The following CUL7 variants were observed in gnomAD, a reference collection of about 807,000 sequenced individuals.
The protein encoded by CUL7 is cullin-7.
CUL7 carries 96 observed loss-of-function variants against 177.7 expected under a neutral mutation model. The ratio of observed to expected loss-of-function variants is 0.54; its 90% CI spans 0.46 to 0.64. CUL7 has a LOEUF of 0.64. Among genes scored for constraint, CUL7 ranks in the 30% least tolerant of loss-of-function variants. CUL7 has a pLI of 0.00. For synonymous variants in CUL7, 824 were observed against 890.2 expected (o/e 0.93, Z 1.32); for missense variants, 1,893 against 2,187.9 (o/e 0.87, Z 2.69).
chr6:43,043,417 A>G lies in CUL7; in HGVS notation c.3355+31T>C. 6.2e-7 allele frequency: 1 copy of G among 1,609,940 alleles called. No homozygotes were observed. Among genetic ancestry groups the G allele is most frequent in the Non-Finnish European group, 8.5e-7 (1 of 1,177,118 alleles). On this transcript the variant is annotated intron_variant, in intron 17 of 25. Coordinates refer to ENST00000265348, the MANE Select transcript of CUL7 (RefSeq NM_014780.5). This position sits in a 1 kb window ranked among gnomAD's most constrained non-coding sequence, Gnocchi z 4.2. ...GGGGCCCAGGAAAACGCTCCTGACT[A>G]GAGCTCCCCACCTGAATCTCCACTA... is the stretch of plus-strand genomic sequence containing the variant.
chr6:43,049,627 C>T lies in CUL7; in HGVS notation c.1605G>A (p.Val535=), dbSNP rs748398286. Residue 535 remains valine, a synonymous_variant, in exon 7 of 26, where the codon GTG becomes GTA. Coordinates refer to ENST00000265348, the MANE Select transcript of CUL7 (RefSeq NM_014780.5). ...LDDEILAELA[V]PIELAQDLLL... is the part of the protein sequence containing the mutation. ...GCAAGTCCTGGGCCAATTCTATGGG[C>T]ACGGCCAGTTCAGCTAGGATCTCAT... The T allele has an allele frequency of 2.5e-6, 4 of 1,614,194 alleles. No homozygotes were observed. The South Asian group carries it at 4.4e-5, about 18-fold the overall frequency.
rs970943435 is a variant in CUL7 at position 43,050,679 on chromosome 6, T to C, written c.1234-281A>G. Reference sequence around the variant, plus strand: ...TCTTTCATGGCTTATGCCCCCACACTTCCTTCTGGCCTCCACCACTCCATC... The same window carrying C: ...TCTTTCATGGCTTATGCCCCCACACCTCCTTCTGGCCTCCACCACTCCATC... On this transcript the variant is annotated intron_variant, in intron 4 of 25. Transcript: ENST00000265348. This position sits in a 1 kb window ranked among gnomAD's most constrained non-coding sequence, Gnocchi z 4.1. Among the ~76,000 whole-genome samples, 2 of 151,072 alleles carry C rather than the reference T, an allele frequency of 1.3e-5. No homozygotes were observed. Among genetic ancestry groups the C allele is most frequent in the Non-Finnish European group, 1.5e-5 (1 of 67,802 alleles).
rs750841082 is a variant in CUL7, at chr6:43,046,294, T to C, written c.2602A>G (p.Asn868Asp). 1 of 1,614,230 alleles carries C rather than the reference T, an allele frequency of 6.2e-7. No homozygotes were observed. Among genetic ancestry groups the C allele is most frequent in the Non-Finnish European group, 8.5e-7 (1 of 1,180,036 alleles). The change falls in exon 12 of 26, where the codon AAC (asparagine) becomes GAC (aspartate). Residue 868 changes from asparagine (N) to aspartate (D), a missense_variant. Asn to Asp is a conservative substitution (Grantham distance 23, BLOSUM62 1). Coordinates refer to ENST00000265348, the MANE Select transcript of CUL7 (RefSeq NM_014780.5). Reference sequence around the variant, plus strand: ...ATGTAGTGGGAGCCGGCGCTGCCGTTGGACTCCCAATAGGTCTTGGGGTTG... The same window carrying C: ...ATGTAGTGGGAGCCGGCGCTGCCGTCGGACTCCCAATAGGTCTTGGGGTTG... Reference protein sequence around the residue: ...DHNPKTYWESNGSAGSHYITL... With the variant: ...DHNPKTYWESDGSAGSHYITL...
At position 43,043,244 on chromosome 6, in the gene CUL7, T is replaced by G. The variant is rs1763605420; in HGVS notation, c.3356-64A>C. 7.1e-7 allele frequency: 1 copy of G among 1,403,158 alleles called. No individual in the cohort carries two copies. The highest frequency in any genetic ancestry group is 1.8e-5 in the Admixed American group (1 of 56,432). The allele number at this position is 1,403,158 out of a possible 1,614,324, so 86.9% of individuals were successfully genotyped here. ...CAGCCCCTCCACTCCCAAGTCCCCA[T>G]CCAAGGGGGTTCCCTGAGGCCTTTC... On this transcript the variant is annotated intron_variant, in intron 17 of 25. Coordinates refer to ENST00000265348, the MANE Select transcript of CUL7 (RefSeq NM_014780.5). The surrounding 1 kb of genome is among the most constrained non-coding windows in gnomAD (Gnocchi z 4.2).
At chr6:43,039,748 T>C (rs1466188758) in intron 22 of CUL7, among the ~76,000 whole-genome samples, 2 of 145,144 alleles carry the variant, frequency 1.4e-5, no homozygotes, top group African/African-American at 5.1e-5. Flanking sequence ...TTTTTTTTTT[T>C]TTTTTTTTTT....
In CUL7 at chr6:43,045,435, C is replaced by G. The variant is rs774141323; in HGVS notation, c.2863-33G>C. The G allele has an allele frequency of 9.3e-6, 15 of 1,614,074 alleles. No homozygotes were observed. In the South Asian group the frequency reaches 1.1e-4, roughly 12 times the overall value. On this transcript the variant is annotated intron_variant, in intron 14 of 25. Transcript: ENST00000265348. This position sits in a 1 kb window ranked among gnomAD's most constrained non-coding sequence, Gnocchi z 4.8. ...ACACACAGGACTATCTTCACTCGCT[C>G]CACACCTTGGGATGGGCTGGGGTCA...
chr6:43,048,758 T>C (rs1275484082), intron 7 of CUL7, among the ~76,000 whole-genome samples, 189 bp from the exon 8 acceptor site: 1 of 152,068 alleles, frequency 6.6e-6, no homozygotes, highest in Non-Finnish European at 1.5e-5. Context: ...CATGACAAAT[T>C]TTATATTCTT....
At position 43,050,304 on chromosome 6, in the gene CUL7, G is replaced by A. The variant is rs772801843; in HGVS notation, c.1328C>T (p.Ala443Val). Residue 443 changes from alanine to valine, a missense_variant, in exon 5 of 26, where the codon GCT (alanine) becomes GTT (valine). By Grantham distance (64) the Ala-to-Val change is moderately conservative. This residue lies in a region of CUL7 where 653 missense variants were observed against 725.2 expected (regional missense o/e 0.90). Coordinates refer to ENST00000265348, the MANE Select transcript of CUL7 (RefSeq NM_014780.5). The surrounding 1 kb of genome is among the most constrained non-coding windows in gnomAD (Gnocchi z 4.1). ...GGCCACTGCCCCTTGGTACTCATCA[G>A]CCTCAACCATGTCCTCAATGTCTTC... ...FEEDIEDMVE[A>V]DEYQGAVASR... 1 of 1,614,154 alleles carries A rather than the reference G, an allele frequency of 6.2e-7. No individual in the cohort carries two copies. The highest frequency in any genetic ancestry group is 8.5e-7 in the Non-Finnish European group (1 of 1,180,030).
chr6:43,047,022 C>T lies in CUL7; in HGVS notation c.2255G>A (p.Arg752Lys), dbSNP rs766977389. 6.2e-7 allele frequency: 1 copy of T among 1,613,430 alleles called. No homozygotes were observed. Among genetic ancestry groups the T allele is most frequent in the Admixed American group, 1.7e-5 (1 of 60,016 alleles). The change falls in exon 10 of 26, where the codon AGA becomes AAA. Residue 752 changes from arginine to lysine, a missense_variant. By Grantham distance (26) the Arg-to-Lys change is conservative. This residue lies in a region of CUL7 where 973 missense variants were observed against 1,140.9 expected (regional missense o/e 0.85). Transcript: ENST00000265348. ...TTCCAGGGCCTTGGAGATAGCGTCT[C>T]TTGCTCCCAGCTGATTCAGCACCAC... ...YAVVLNQLGA[R>K]DAISKALEKH...
rs567504052 is a variant in CUL7 at position 43,039,382 on chromosome 6, C to A, written c.4295-395G>T. Among the ~76,000 whole-genome samples the A allele has an allele frequency of 2.8e-4, 42 of 152,354 alleles. No individual in the cohort carries two copies. The South Asian group carries it at 8.1e-3, about 29-fold the overall frequency. ...GACCACAGGTCTGAGCCTCTTCCCC[C>A]TCCTGTGTTGCTGCCAGCTCAGGGA... On this transcript the variant is annotated intron_variant, in intron 22 of 25. Coordinates refer to ENST00000265348, the MANE Select transcript of CUL7 (RefSeq NM_014780.5).
At chr6:43,041,201 A>T in intron 19 of CUL7, 126 bp from the exon 20 acceptor site, 1 of 822,222 alleles carries the variant, frequency 1.2e-6, no homozygotes, top group East Asian at 2.7e-5. Flanking sequence ...TGGTGCTTTC[A>T]TACAACTATT....
At position 43,043,461 on chromosome 6, in the gene CUL7, G is replaced by A. The variant is rs562987224; in HGVS notation, c.3342C>T (p.Ala1114=). The A allele has an allele frequency of 6.2e-7, 1 of 1,613,932 alleles. No individual in the cohort carries two copies. Among genetic ancestry groups the A allele is most frequent in the East Asian group, 2.2e-5 (1 of 44,882 alleles). ...EPCEAPPPVV[A]TPRPKGRNRS... is the part of the protein sequence containing the mutation. Reference sequence around the variant, plus strand: ...TCCACTACTCACTGGGCCGAGGAGTGGCCACCACAGGAGGGGGTGCCTCAC... The same window carrying A: ...TCCACTACTCACTGGGCCGAGGAGTAGCCACCACAGGAGGGGGTGCCTCAC... Residue 1114 remains alanine, a synonymous_variant, in exon 17 of 26, where the codon GCC becomes GCT. Coordinates refer to ENST00000265348, the MANE Select transcript of CUL7 (RefSeq NM_014780.5). This position sits in a 1 kb window ranked among gnomAD's most constrained non-coding sequence, Gnocchi z 4.2.
chr6:43,038,267 C>T lies in CUL7; in HGVS notation c.4773G>A (p.Leu1591=). Residue 1591 remains leucine, a splice_region_variant and synonymous_variant, in exon 25 of 26, where the codon CTG becomes CTA. Coordinates refer to ENST00000265348, the MANE Select transcript of CUL7 (RefSeq NM_014780.5). ...ACCCATTGTGCCCACCCCTGCCTAC[C>T]AGACAGACAAGCTGGTCAATGTGCA... ...EGLHIDQLVC[L]VLEAWQKGPC... 6.2e-7 allele frequency: 1 copy of T among 1,614,164 alleles called. No individual in the cohort carries two copies. The highest frequency in any genetic ancestry group is 8.5e-7 in the Non-Finnish European group (1 of 1,180,026).
intron 9 of CUL7, 77 bp downstream of exon 9, chr6:43,048,071 T>C: frequency 2.2e-6 from 2 of 908,586 alleles, no homozygotes; most frequent in Non-Finnish European, 3.6e-6. Context: ...CTCCAGAGCC[T>C]TGCCCAGCAG....
In CUL7 at chr6:43,042,825, G is replaced by A; in HGVS notation, c.3622C>T (p.Leu1208Phe). Residue 1208 changes from leucine to phenylalanine, a missense_variant, in exon 19 of 26, where the codon CTC becomes TTC. Transcript: ENST00000265348. ...ACGTGGGCAGCTTTGAGAAAAGGGA[G>A]CTTCAGCAAGGCTCCCGCACAGCCA... Reference protein sequence around the residue: ...QNGCAGALLKLPFLKAAHVSE... With the variant: ...QNGCAGALLKFPFLKAAHVSE... The A allele has an allele frequency of 6.2e-7, 1 of 1,613,328 alleles. No homozygotes were observed. Among genetic ancestry groups the A allele is most frequent in the Non-Finnish European group, 8.5e-7 (1 of 1,179,506 alleles).
chr6:43,040,651 G>A lies in CUL7; in HGVS notation c.3902C>T (p.Pro1301Leu). 6.2e-7 allele frequency: 1 copy of A among 1,614,196 alleles called. No individual in the cohort carries two copies. The highest frequency in any genetic ancestry group is 2.2e-5 in the East Asian group (1 of 44,884). Residue 1301 changes from proline (P) to leucine (L), a missense_variant, in exon 21 of 26, where the codon CCC becomes CTC. Physicochemically the swap from Pro to Leu is moderately conservative, Grantham distance 98 (BLOSUM62 -3). Around this residue, in one of 5 missense-constraint regions of CUL7, gnomAD observed 973 missense variants for 1,140.9 expected, o/e 0.85. Transcript: ENST00000265348. This position sits in a 1 kb window ranked among gnomAD's most constrained non-coding sequence, Gnocchi z 4.2. The part of the protein sequence containing the change: ...QIGPCFPNRL[P>L]QQMLQSLSTS... ...GCTCAGGCTCTGCAACATCTGCTGG[G>A]GGAGGCGGTTGGGGAAGCAGGGACC...
At chr6:43,039,061 T>C in intron 22 of CUL7, 74 bp from the exon 23 acceptor site, 2 of 966,156 alleles carry the variant, frequency 2.1e-6, no homozygotes, top group Admixed American at 3.5e-5. Flanking sequence ...GGGTGCACGC[T>C]GGTCACGCTC....
Position 43,038,705 on chromosome 6 carries a change from G to A in CUL7, c.4441-13C>T. On this transcript the variant is annotated splice_polypyrimidine_tract_variant and intron_variant, in intron 23 of 25. Transcript: ENST00000265348. ...CCACAGAGACCGCCTTCAGAGAACA[G>A]ATGGGAGACATTCAGGGCCTCCCCA... 6.2e-7 allele frequency: 1 copy of A among 1,613,964 alleles called. No homozygotes were observed.
chr6:43,053,669 C>T lies in CUL7; in HGVS notation c.-56G>A. ...GGCGCGAGGCCTGTCCTTCACAGAGCAAGGGACGCGGCACAGACGCTGGCG... is the reference window on the plus strand; with the variant it reads ...GGCGCGAGGCCTGTCCTTCACAGAGTAAGGGACGCGGCACAGACGCTGGCG... On this transcript the variant is annotated 5_prime_UTR_variant, in exon 1 of 26. Coordinates refer to ENST00000265348, the MANE Select transcript of CUL7 (RefSeq NM_014780.5). The surrounding 1 kb of genome is among the most constrained non-coding windows in gnomAD (Gnocchi z 4.1). 1 of 1,408,054 alleles carries T rather than the reference C, an allele frequency of 7.1e-7. No individual in the cohort carries two copies. Among genetic ancestry groups the T allele is most frequent in the African/African-American group, 1.5e-5 (1 of 66,406 alleles). The allele number at this position is 1,408,054 out of a possible 1,614,324, so 87.2% of individuals were successfully genotyped here. A position where few individuals can be genotyped will look rare whatever the true frequency, so the allele number is the denominator to read the frequency against.
Sources: gnomAD v4.1 joint callset for allele counts (sites outside exome capture counted in the v4.1 genomes callset) on GRCh38, gnomAD v4.1.1 for gene constraint, gnomAD v4.1.1 regional missense constraint, Gnocchi (gnomAD v3.1) non-coding constraint, MANE v1.5 for transcripts, NCBI Gene and HGNC (gene_info 2026-07-23, HGNC 2026-07-21) for gene names.